Variants in NAALADL2 observed in about 807,000 individuals in gnomAD.
The protein encoded by NAALADL2 is N-acetylated alpha-linked acidic dipeptidase like 2.
NAALADL2 carries 76 observed loss-of-function variants against 87.2 expected under a neutral mutation model. The observed-to-expected ratio is 0.87, with a 90% CI of 0.72 to 1.05. NAALADL2 has a LOEUF of 1.05. Ranked by LOEUF, NAALADL2 falls within the 50% of genes least tolerant of loss-of-function variation. The pLI, the probability that NAALADL2 is intolerant of heterozygous loss-of-function variation, is 0.00. For synonymous variants in NAALADL2, 354 were observed against 331.0 expected (o/e 1.07, Z -0.75); for missense variants, 1,089 against 945.8 (o/e 1.15, Z -1.99).
chr3:174,508,812 C>T (rs923617813), intron 1 of NAALADL2, among the ~76,000 whole-genome samples: 1 of 152,098 alleles, frequency 6.6e-6, no homozygotes, highest in Non-Finnish European at 1.5e-5. Context: ...CTTTGGGAGG[C>T]CGAGGTGGAC....
chr3:175,276,371 C>T (rs1161767561), intron 4 of NAALADL2, among the ~76,000 whole-genome samples: 1 of 149,720 alleles, frequency 6.7e-6, no homozygotes, highest in Non-Finnish European at 1.5e-5. Flanking sequence ...GTGATCTCAG[C>T]TCACTGCAAC....
intron 2 of NAALADL2, among the ~76,000 whole-genome samples, chr3:174,698,977 A>ACATG (rs1729294212): frequency 6.6e-6 from 1 of 151,746 alleles, no homozygotes; most frequent in Admixed American, 6.6e-5. Context: ...GTATATATAT[A>ACATG]TACATTTCTT....
At chr3:175,537,906 A>G (rs1405184209) in intron 9 of NAALADL2, among the ~76,000 whole-genome samples, 1 of 152,204 alleles carries the variant, frequency 6.6e-6, no homozygotes, top group Non-Finnish European at 1.5e-5. Flanking sequence ...GGTAGGTTTC[A>G]TATGATAAGT....
At chr3:174,754,642 G>C (rs1430500627) in intron 3 of NAALADL2, among the ~76,000 whole-genome samples, 1 of 151,950 alleles carries the variant, frequency 6.6e-6, no homozygotes, top group Non-Finnish European at 1.5e-5. Context: ...TCCAGACTAT[G>C]AGCTATTTTT....
intron 1 of NAALADL2, among the ~76,000 whole-genome samples, chr3:175,065,122 G>A (rs1714307308): frequency 6.6e-6 from 1 of 152,116 alleles, no homozygotes; most frequent in Non-Finnish European, 1.5e-5. Flanking sequence ...GGAAATTCAA[G>A]TGACTTTGAT....
In NAALADL2 at chr3:175,576,160, T is replaced by A; in HGVS notation, c.1773T>A (p.Phe591Leu). The A allele has an allele frequency of 6.2e-7, 1 of 1,613,816 alleles. No individual in the cohort carries two copies. The highest frequency in any genetic ancestry group is 1.3e-5 in the African/African-American group (1 of 75,046). The change falls in exon 10 of 14, where the codon TTT becomes TTA. Residue 591 changes from phenylalanine to leucine, a missense_variant. Physicochemically the swap from Phe to Leu is conservative, Grantham distance 22. Transcript: ENST00000454872. ...INHLGVPIVQ[F>L]AYEDIKTLEG... The stretch of plus-strand genomic sequence containing the variant: ...ATCTTGGAGTTCCCATCGTGCAGTT[T>A]GCTTACGAGGACATCAAAACATTAG...
chr3:174,656,989 C>T (rs189993864), intron 2 of NAALADL2, among the ~76,000 whole-genome samples: 10 of 151,592 alleles, frequency 6.6e-5, no homozygotes, highest in Non-Finnish European at 1.2e-4. Context: ...CCTTCTCCCT[C>T]CCTTCCTTCC....
intron 3 of NAALADL2, among the ~76,000 whole-genome samples, chr3:174,842,908 T>C (rs904052618): frequency 6.6e-6 from 1 of 152,204 alleles, no homozygotes. Flanking sequence ...CCGTCAATTA[T>C]GGCTTATCTT....
At chr3:175,496,767 C>A (rs968796431) in intron 9 of NAALADL2, among the ~76,000 whole-genome samples, 6 of 151,912 alleles carry the variant, frequency 3.9e-5, no homozygotes, top group Non-Finnish European at 8.8e-5. Context: ...ACCATGTTGT[C>A]CAGGCTGGTC....
intron 6 of NAALADL2, among the ~76,000 whole-genome samples, chr3:175,448,755 C>G (rs543897006): frequency 6.6e-6 from 1 of 152,272 alleles, no homozygotes; most frequent in African/African-American, 2.4e-5. Flanking sequence ...GTCATCAGGG[C>G]TAGAGTGCAA....
At chr3:174,573,394 AG>A (rs1405637920) in intron 2 of NAALADL2, among the ~76,000 whole-genome samples, 1 of 152,174 alleles carries the variant, frequency 6.6e-6, no homozygotes, top group African/African-American at 2.4e-5. Context: ...CAGTCTCCTG[AG>A]TAGCTGAGAC....
chr3:175,050,141 GTCCAGTGGTGGTTT>G (rs1755185590), intron 1 of NAALADL2, among the ~76,000 whole-genome samples: 1 of 152,194 alleles, frequency 6.6e-6, no homozygotes, highest in Non-Finnish European at 1.5e-5. Flanking sequence ...GTGGCATCCT[GTCCAGTGGTGGTTT>G]CCACCTTGTG....
chr3:175,003,158 A>G (rs973400889), intron 1 of NAALADL2, among the ~76,000 whole-genome samples: 4 of 152,292 alleles, frequency 2.6e-5, no homozygotes, highest in African/African-American at 9.6e-5. Flanking sequence ...TGTTTATGCC[A>G]TGTACTTTCC....
intron 1 of NAALADL2, among the ~76,000 whole-genome samples, chr3:174,871,436 GTTTC>G (rs1202843725): frequency 6.6e-6 from 1 of 152,178 alleles, no homozygotes. Context: ...CAGAAAAGTT[GTTTC>G]TTTCTTGTTC....
intron 10 of NAALADL2, among the ~76,000 whole-genome samples, chr3:175,585,344 G>A (rs1193768524): frequency 1.3e-5 from 2 of 151,926 alleles, no homozygotes; most frequent in Non-Finnish European, 2.9e-5. Context: ...GGACGTGACT[G>A]GATTTCTAAA....
At chr3:175,471,524 T>A in intron 8 of NAALADL2, 115 bp from the exon 9 acceptor site, 1 of 646,840 alleles carries the variant, frequency 1.5e-6, no homozygotes. Flanking sequence ...AAGGTAATTA[T>A]GCAATATAAT....
intron 1 of NAALADL2, among the ~76,000 whole-genome samples, chr3:174,453,382 TAGAG>T (rs917157298): frequency 3.7e-5 from 3 of 81,062 alleles, no homozygotes; most frequent in African/African-American, 1.1e-4. Context: ...TCCATCTAGA[TAGAG>T]AGGCCAACAT....
At chr3:175,325,891 T>C (rs1330443550) in intron 5 of NAALADL2, among the ~76,000 whole-genome samples, 1 of 152,240 alleles carries the variant, frequency 6.6e-6, no homozygotes, top group Non-Finnish European at 1.5e-5. Context: ...CTTCTTTTCA[T>C]CCATACTAAT....
chr3:175,609,117 A>C (rs1334536432), intron 10 of NAALADL2, among the ~76,000 whole-genome samples: 1 of 151,956 alleles, frequency 6.6e-6, no homozygotes, highest in Non-Finnish European at 1.5e-5. Context: ...GAAAATAGAC[A>C]CCCAGATTAA....
Sources: gnomAD v4.1 joint callset for allele counts (sites outside exome capture counted in the v4.1 genomes callset) on GRCh38, gnomAD v4.1.1 for gene constraint, MANE v1.5 for transcripts, NCBI Gene and HGNC (gene_info 2026-07-23, HGNC 2026-07-21) for gene names.